The following KIDINS220 variants were observed in gnomAD, a reference collection of about 807,000 sequenced individuals.
KIDINS220 encodes the protein kinase D-interacting substrate of 220 kDa.
Under a neutral mutation model 157.6 loss-of-function variants are expected in KIDINS220, and 63 were observed. The ratio of observed to expected loss-of-function variants is 0.40; its 90% CI spans 0.33 to 0.49. The LOEUF is 0.49. Ranked by LOEUF, KIDINS220 falls within the 20% of genes least tolerant of loss-of-function variation. The pLI is 0.66. For synonymous variants in KIDINS220, 732 were observed against 783.6 expected, an observed-to-expected ratio of 0.93 and a Z score of 1.10; for missense variants, 1,772 against 2,171.2, an observed-to-expected ratio of 0.82 and a Z score of 3.65.
Position 8,786,218 on chromosome 2 carries a change from C to T in KIDINS220, c.1927G>A (p.Glu643Lys). Residue 643 changes from glutamate to lysine, a missense_variant, in exon 16 of 30, where the codon GAA becomes AAA. Physicochemically the swap from Glu to Lys is moderately conservative, Grantham distance 56. Around this residue, in one of 3 missense-constraint regions of KIDINS220, gnomAD observed 725 missense variants for 1,017.1 expected, o/e 0.71. Coordinates refer to ENST00000256707, the MANE Select transcript of KIDINS220 (RefSeq NM_020738.4). The stretch of plus-strand genomic sequence containing the variant: ...AAGGAAATCCTACCCTGAGTATCTT[C>T]AGTCTTGAATACTCGAAAAAGCCTG... ...ATRLFRVFKTEDTQGKKKWKK... is the reference protein window; with the variant it reads ...ATRLFRVFKTKDTQGKKKWKK... 1 of 1,614,106 alleles carries T rather than the reference C, an allele frequency of 6.2e-7. No individual in the cohort carries two copies.
At position 8,785,775 on chromosome 2, in the gene KIDINS220, T is replaced by C. The variant is rs771191630; in HGVS notation, c.2195A>G (p.Lys732Arg). 3.1e-6 allele frequency: 5 copies of C among 1,613,230 alleles called. No individual in the cohort carries two copies. Among genetic ancestry groups the C allele is most frequent in the Non-Finnish European group, 4.2e-6 (5 of 1,179,866 alleles). Residue 732 changes from lysine (K) to arginine (R), a missense_variant, in exon 17 of 30, where the codon AAA becomes AGA. This residue lies in a region of KIDINS220 where 725 missense variants were observed against 1,017.1 expected (regional missense o/e 0.71). Transcript: ENST00000256707. ...QRKRLHNAASKLHKLKSEGFM... is the reference protein window; with the variant it reads ...QRKRLHNAASRLHKLKSEGFM... ...TCCTTCACTTTTCAATTTGTGCAGT[T>C]TGGAGGCTGCATTATGGAGGCGTTT...
At position 8,747,130 on chromosome 2, in the gene KIDINS220, G is replaced by T; in HGVS notation, c.3585+15C>A. On this transcript the variant is annotated intron_variant, in intron 26 of 29. Coordinates refer to ENST00000256707, the MANE Select transcript of KIDINS220 (RefSeq NM_020738.4). ...TGAGATGCCAGCGATCCACACCACA[G>T]GACTACTCCATTACCCTCGAGGAGT... is the stretch of plus-strand genomic sequence containing the variant. 6.2e-7 allele frequency: 1 copy of T among 1,611,698 alleles called. No individual in the cohort carries two copies. The highest frequency in any genetic ancestry group is 8.5e-7 in the Non-Finnish European group (1 of 1,177,776).
At position 8,776,904 on chromosome 2, in the gene KIDINS220, C is replaced by T. The variant is rs200373988; in HGVS notation, c.2704-12G>A. The T allele has an allele frequency of 1.7e-5, 28 of 1,612,044 alleles. No individual in the cohort carries two copies. The South Asian group carries it at 2.3e-4, about 13-fold the overall frequency. ...CTTCGGTAAGTGTCCTGAAACAGCA[C>T]GTCGTCAGTGAGAAGGAACCCACGC... is the stretch of plus-strand genomic sequence containing the variant. On this transcript the variant is annotated splice_polypyrimidine_tract_variant and intron_variant, in intron 20 of 29. Transcript: ENST00000256707.
At position 8,739,281 on chromosome 2, in the gene KIDINS220, G is replaced by C. The variant is rs1019041430; in HGVS notation, c.3586-2282C>G. 1.1e-4 allele frequency among the ~76,000 whole-genome samples: 16 copies of C among 152,068 alleles called. 1 individual carries two copies. The highest frequency in any genetic ancestry group is 6.6e-5 in the Admixed American group (1 of 15,260). On this transcript the variant is annotated intron_variant, in intron 26 of 29. Coordinates refer to ENST00000256707, the MANE Select transcript of KIDINS220 (RefSeq NM_020738.4). ...TGTTACCTCTGAATTACTTTTAAAA[G>C]CTTTTTAAGAAAAGACAGACACATA...
chr2:8,812,834 G>A (rs1311809271), intron 5 of KIDINS220, among the ~76,000 whole-genome samples: 1 of 152,058 alleles, frequency 6.6e-6, no homozygotes, highest in Non-Finnish European at 1.5e-5. Flanking sequence ...GGCAATACTA[G>A]TAAGAAGAAA....
At position 8,731,899 on chromosome 2, in the gene KIDINS220, C is replaced by T; in HGVS notation, c.4137G>A (p.Val1379=). The change falls in exon 30 of 30, where the codon GTG becomes GTA. Residue 1379 remains valine (V), a synonymous_variant. Transcript: ENST00000256707. The surrounding 1 kb of genome is among the most constrained non-coding windows in gnomAD (Gnocchi z 5.2). ...SIEISKLTDK[V]QAEYRDAYRE... is the part of the protein sequence containing the mutation. ...TATAGGCATCTCTATACTCGGCCTG[C>T]ACCTTATCAGTAAGCTTTGAAATTT... is the stretch of plus-strand genomic sequence containing the variant. 1 of 1,613,700 alleles carries T rather than the reference C, an allele frequency of 6.2e-7. No homozygotes were observed. The highest frequency in any genetic ancestry group is 8.5e-7 in the Non-Finnish European group (1 of 1,179,914).
At position 8,800,504 on chromosome 2, in the gene KIDINS220, A is replaced by G; in HGVS notation, c.802-6T>C. ...ATCAACACAGTATCCCCACTCTAAGAAGACAGAAAATAAAAACAAAAACAA... is the reference window on the plus strand; with the variant it reads ...ATCAACACAGTATCCCCACTCTAAGGAGACAGAAAATAAAAACAAAAACAA... On this transcript the variant is annotated splice_polypyrimidine_tract_variant and splice_region_variant and intron_variant, in intron 8 of 29. Coordinates refer to ENST00000256707, the MANE Select transcript of KIDINS220 (RefSeq NM_020738.4). 3 of 1,586,964 alleles carry G rather than the reference A, an allele frequency of 1.9e-6. No individual in the cohort carries two copies. Among genetic ancestry groups the G allele is most frequent in the Non-Finnish European group, 2.6e-6 (3 of 1,165,478 alleles).
intron 4 of KIDINS220, among the ~76,000 whole-genome samples, chr2:8,815,991 G>A (rs150952245): frequency 1.0e-3 from 155 of 152,084 alleles, no homozygotes; most frequent in African/African-American, 3.3e-3. Flanking sequence ...GTAGTTACTT[G>A]GGTAGTTACT....
At chr2:8,742,428 C>T (rs575138605) in intron 26 of KIDINS220, among the ~76,000 whole-genome samples, 1 of 152,306 alleles carries the variant, frequency 6.6e-6, no homozygotes, top group East Asian at 1.9e-4. Context: ...GGTCACTCCA[C>T]TGACTGGACC....
intron 2 of KIDINS220, among the ~76,000 whole-genome samples, chr2:8,824,069 T>A (rs1572815845): frequency 6.6e-6 from 1 of 151,954 alleles, no homozygotes; most frequent in South Asian, 2.1e-4. Flanking sequence ...ATATCTTAGA[T>A]AGGAAACTGA....
chr2:8,801,478 T>C (rs1044433403), intron 8 of KIDINS220, among the ~76,000 whole-genome samples: 18 of 152,334 alleles, frequency 1.2e-4, no homozygotes, highest in African/African-American at 4.1e-4. Flanking sequence ...TCCACCATTC[T>C]AGGTACTAGG....
intron 22 of KIDINS220, chr2:8,757,902 G>T (rs1381109628): frequency 1.1e-6 from 1 of 935,048 alleles, no homozygotes; most frequent in Non-Finnish European, 1.6e-6. Context: ...CACTCTTGTT[G>T]CCCAGGCTGG....
At chr2:8,764,142 G>A (rs1444768854) in intron 22 of KIDINS220, among the ~76,000 whole-genome samples, 3 of 152,160 alleles carry the variant, frequency 2.0e-5, no homozygotes, top group South Asian at 2.1e-4. Flanking sequence ...TAAAACAAGA[G>A]TGGAAAACCA....
intron 1 of KIDINS220, among the ~76,000 whole-genome samples, chr2:8,832,629 C>A (rs576103259): frequency 2.0e-5 from 3 of 152,128 alleles, no homozygotes; most frequent in South Asian, 2.1e-4. Context: ...TTTGCCTTCA[C>A]GCGTCTTTGT....
chr2:8,752,096 T>C (rs1340085591), intron 22 of KIDINS220, among the ~76,000 whole-genome samples: 3 of 150,516 alleles, frequency 2.0e-5, no homozygotes, highest in East Asian at 3.9e-4. Flanking sequence ...TCTTGGCTCA[T>C]TGCAACCTCT....
chr2:8,764,741 C>T (rs1254935040), intron 22 of KIDINS220, among the ~76,000 whole-genome samples: 1 of 152,170 alleles, frequency 6.6e-6, no homozygotes, highest in Non-Finnish European at 1.5e-5. Flanking sequence ...TTCTCATCTA[C>T]CACCTCCCCA....
At chr2:8,795,456 C>T (rs553964124) in intron 11 of KIDINS220, among the ~76,000 whole-genome samples, 6 of 152,130 alleles carry the variant, frequency 3.9e-5, no homozygotes, top group Non-Finnish European at 8.8e-5. Flanking sequence ...CAGTGACGGG[C>T]AAGGTAAAAA....
chr2:8,743,691 C>G (rs1227070436), intron 26 of KIDINS220, among the ~76,000 whole-genome samples: 1 of 152,212 alleles, frequency 6.6e-6, no homozygotes, highest in East Asian at 1.9e-4. Context: ...TTTCCTGTGT[C>G]CCTCAGGTAA....
chr2:8,753,286 A>G (rs911669366), intron 22 of KIDINS220, among the ~76,000 whole-genome samples: 1 of 152,238 alleles, frequency 6.6e-6, no homozygotes, highest in African/African-American at 2.4e-5. Context: ...AATTAATCCA[A>G]CCAATAAAGA....
Sources: allele counts gnomAD v4.1 joint callset (sites outside exome capture counted in the v4.1 genomes callset), GRCh38; gene constraint gnomAD v4.1.1; regional missense constraint gnomAD v4.1.1; non-coding constraint Gnocchi (gnomAD v3.1); transcripts MANE v1.5; gene names NCBI Gene and HGNC (gene_info 2026-07-23, HGNC 2026-07-21).